Variants in BMPER observed in about 807,000 individuals in gnomAD.
BMPER encodes BMP binding endothelial regulator.
Under a neutral mutation model 87.3 loss-of-function variants are expected in BMPER, and 45 were observed. The ratio of observed to expected loss-of-function variants is 0.52; its 90% CI spans 0.41 to 0.66. The LOEUF is 0.66. Ranked by LOEUF, BMPER falls within the 30% of genes least tolerant of loss-of-function variation. The pLI is 0.00. For missense variants in BMPER, 784 were observed against 867.5 expected (o/e 0.90, Z 1.21); for synonymous variants, 326 against 316.2 (o/e 1.03, Z -0.33).
chr7:34,038,648 A>G (rs1787749775), intron 6 of BMPER, among the ~76,000 whole-genome samples: 1 of 152,202 alleles, frequency 6.6e-6, no homozygotes, highest in Admixed American at 6.5e-5. Flanking sequence ...GGTTCTCAAG[A>G]CAGGGCATTA....
chr7:34,095,166 C>A (rs1255730944), intron 13 of BMPER, among the ~76,000 whole-genome samples: 3 of 152,132 alleles, frequency 2.0e-5, no homozygotes, highest in Non-Finnish European at 4.4e-5. Flanking sequence ...GATGAATATA[C>A]AACTCTGAAC....
At chr7:34,047,437 C>A (rs918841508) in intron 7 of BMPER, among the ~76,000 whole-genome samples, 1 of 151,986 alleles carries the variant, frequency 6.6e-6, no homozygotes, top group Admixed American at 6.6e-5. Context: ...TGCCACCACA[C>A]CCAGCTAATT....
chr7:34,039,426 T>G (rs2127954835), intron 6 of BMPER, among the ~76,000 whole-genome samples: 1 of 152,238 alleles, frequency 6.6e-6, no homozygotes, highest in South Asian at 2.1e-4. Flanking sequence ...GGAGACATGC[T>G]TCATTGTCAC....
chr7:34,120,325 T>C (rs1398213270), intron 13 of BMPER, among the ~76,000 whole-genome samples: 1 of 151,940 alleles, frequency 6.6e-6, no homozygotes, highest in Non-Finnish European at 1.5e-5. Context: ...TGATGTAACA[T>C]ACAATACAAT....
intron 3 of BMPER, among the ~76,000 whole-genome samples, chr7:33,959,231 A>G (rs897489589): frequency 7.2e-5 from 11 of 152,198 alleles, no homozygotes; most frequent in African/African-American, 2.4e-4. Context: ...TCTAAGTTCA[A>G]TGCCTCACCT....
At chr7:34,026,153 A>G (rs1787352453) in intron 6 of BMPER, among the ~76,000 whole-genome samples, 2 of 152,024 alleles carry the variant, frequency 1.3e-5, no homozygotes, top group Non-Finnish European at 2.9e-5. Context: ...AATGGGGTTG[A>G]GACTGGGTGA....
intron 3 of BMPER, among the ~76,000 whole-genome samples, chr7:33,956,457 C>T (rs1785149379): frequency 6.6e-6 from 1 of 152,142 alleles, no homozygotes; most frequent in Non-Finnish European, 1.5e-5. Context: ...AAAATGTAAA[C>T]ATCGAACCCT....
At chr7:33,940,747 G>A (rs191514200) in intron 3 of BMPER, among the ~76,000 whole-genome samples, 22 of 151,224 alleles carry the variant, frequency 1.5e-4, no homozygotes, top group African/African-American at 5.3e-4. Context: ...TCATAGTAAT[G>A]CAGAAGTTTG....
chr7:34,109,385 T>G (rs947544778), intron 13 of BMPER, among the ~76,000 whole-genome samples: 2 of 152,180 alleles, frequency 1.3e-5, no homozygotes, highest in African/African-American at 4.8e-5. Flanking sequence ...GTCTACCAAT[T>G]TAAATGTTCA....
chr7:34,053,603 T>C (rs1362015773), intron 8 of BMPER, among the ~76,000 whole-genome samples: 2 of 152,350 alleles, frequency 1.3e-5, no homozygotes, highest in Admixed American at 1.3e-4. Flanking sequence ...TATAATGAAG[T>C]AAGCTAGAGA....
rs192219168 is a variant in BMPER, at chr7:34,145,612, C to T, written c.1876+2252C>T. Among the ~76,000 whole-genome samples the T allele has an allele frequency of 1.1e-3, 171 of 152,154 alleles. 1 individual carries two copies. Among genetic ancestry groups the T allele is most frequent in the African/African-American group, 4.0e-3 (165 of 41,502 alleles). On this transcript the variant is annotated intron_variant, in intron 14 of 14. Transcript: ENST00000649409. ...CTCCTAGCTCCCTCTATTTTGAATC[C>T]CCTTTCCCTTGAATTTACTGGAAAA...
chr7:33,979,607 C>A (rs1035421595), intron 6 of BMPER, among the ~76,000 whole-genome samples: 7 of 152,160 alleles, frequency 4.6e-5, no homozygotes, highest in Non-Finnish European at 1.0e-4. Flanking sequence ...TCCAAGCTGG[C>A]CAGCCTATTC....
intron 6 of BMPER, among the ~76,000 whole-genome samples, chr7:33,991,257 T>C (rs1360543961): frequency 6.6e-6 from 1 of 151,440 alleles, no homozygotes; most frequent in African/African-American, 2.4e-5. Flanking sequence ...GGACTCTTTT[T>C]GGTTGGTAAG....
intron 12 of BMPER, 46 bp downstream of exon 12, chr7:34,079,232 T>C (rs754120229): frequency 1.2e-5 from 19 of 1,607,630 alleles, no homozygotes; most frequent in African/African-American, 4.0e-5. Flanking sequence ...CCGCCTCACT[T>C]ACCCGTTCAG....
At chr7:34,091,435 C>T (rs190981211) in intron 13 of BMPER, among the ~76,000 whole-genome samples, 57 of 152,262 alleles carry the variant, frequency 3.7e-4, no homozygotes, top group African/African-American at 1.3e-3. Flanking sequence ...TAAAGTGTGA[C>T]ATTGTATGCC....
chr7:33,970,456 T>G (rs1437223937), intron 5 of BMPER, 37 bp downstream of exon 5: 1 of 1,594,976 alleles, frequency 6.3e-7, no homozygotes, highest in East Asian at 2.2e-5. Flanking sequence ...GAAATCTCTG[T>G]GTGTTCTTTC....
intron 5 of BMPER, among the ~76,000 whole-genome samples, chr7:33,971,485 A>G (rs899804361): frequency 6.6e-5 from 10 of 152,218 alleles, no homozygotes; most frequent in African/African-American, 2.4e-4. Context: ...CATGAAAGCC[A>G]AACACTGGTT....
intron 6 of BMPER, among the ~76,000 whole-genome samples, chr7:33,979,025 G>A (rs1785767706): frequency 6.6e-6 from 1 of 152,144 alleles, no homozygotes; most frequent in Non-Finnish European, 1.5e-5. Context: ...ACACACCCAA[G>A]TGGTAAGGGT....
rs1241369115 is a variant in BMPER, at chr7:34,058,076, C to T, written c.945C>T (p.Ser315=). ...NKIFQDGEMW[S]SINCTICACV... Reference sequence around the variant, plus strand: ...TCTTGTAGGATGGAGAGATGTGGTCCTCTATCAATTGTACCATCTGTGCTT... The same window carrying T: ...TCTTGTAGGATGGAGAGATGTGGTCTTCTATCAATTGTACCATCTGTGCTT... Residue 315 remains serine (S), a synonymous_variant, in exon 10 of 15, where the codon TCC becomes TCT. Coordinates refer to ENST00000649409, the MANE Select transcript of BMPER (RefSeq NM_001365308.1). 1 of 1,613,928 alleles carries T rather than the reference C, an allele frequency of 6.2e-7. No homozygotes were observed. The highest frequency in any genetic ancestry group is 1.3e-5 in the African/African-American group (1 of 74,890).
Sources: gnomAD v4.1 joint callset for allele counts (sites outside exome capture counted in the v4.1 genomes callset) on GRCh38, gnomAD v4.1.1 for gene constraint, MANE v1.5 for transcripts, NCBI Gene and HGNC (gene_info 2026-07-23, HGNC 2026-07-21) for gene names.